TBC1D12: variants seen among roughly 807,000 people sequenced by gnomAD.
TBC1D12 encodes the protein TBC1 domain family, member 12.
Under a neutral mutation model 86.7 loss-of-function variants are expected in TBC1D12, and 56 were observed. That is an observed-to-expected ratio of 0.65 (90% CI 0.52 to 0.81). The LOEUF is 0.81. Ranked by LOEUF, TBC1D12 falls within the 30% of genes least tolerant of loss-of-function variation. The pLI is 0.00. For missense variants in TBC1D12, 1,023 were observed against 1,038.8 expected (o/e 0.98, Z 0.21); for synonymous variants, 421 against 411.7 (o/e 1.02, Z -0.27).
chr10:94,425,416 A>T (rs955278686), intron 1 of TBC1D12, among the ~76,000 whole-genome samples: 5 of 152,246 alleles, frequency 3.3e-5, no homozygotes, highest in African/African-American at 1.2e-4. Flanking sequence ...GTCAGTTTAA[A>T]AAAGAAAATA....
In TBC1D12 at chr10:94,402,784, G is replaced by A; in HGVS notation, c.171G>A (p.Glu57=). 1 of 1,546,366 alleles carries A rather than the reference G, an allele frequency of 6.5e-7. No individual in the cohort carries two copies. Among genetic ancestry groups the A allele is most frequent in the South Asian group, 1.2e-5 (1 of 83,950 alleles). The change falls in exon 1 of 13, where the codon GAG becomes GAA. Residue 57 remains glutamate (E), a synonymous_variant. Transcript: ENST00000225235. ...EPPEEADEEE[E]ADEEEETPPR... ...CGGAGGAGGCTGACGAGGAGGAGGA[G>A]GCTGACGAGGAGGAGGAGACGCCGC...
At chr10:94,468,162 G>C (rs1231613688) in intron 2 of TBC1D12, among the ~76,000 whole-genome samples, 1 of 152,068 alleles carries the variant, frequency 6.6e-6, no homozygotes, top group Non-Finnish European at 1.5e-5. Context: ...TCTAACTTTT[G>C]TGCTGTAAAC....
At chr10:94,516,868 G>A (rs1842006298) in intron 9 of TBC1D12, among the ~76,000 whole-genome samples, 1 of 151,850 alleles carries the variant, frequency 6.6e-6, no homozygotes, top group Admixed American at 6.6e-5. Flanking sequence ...ATTGAGACTA[G>A]TCAAAATATC....
At chr10:94,459,817 C>T (rs1423265624) in intron 2 of TBC1D12, among the ~76,000 whole-genome samples, 1 of 152,228 alleles carries the variant, frequency 6.6e-6, no homozygotes, top group Non-Finnish European at 1.5e-5. Flanking sequence ...AGCCCGCACC[C>T]ACCCGGAACT....
In TBC1D12 at chr10:94,438,367, A is replaced by T. The variant is rs1299494430; in HGVS notation, c.972-3529A>T. On this transcript the variant is annotated intron_variant, in intron 1 of 12. Transcript: ENST00000225235. The stretch of plus-strand genomic sequence containing the variant: ...CTGGTGACCTGACAAAGATTTTCTT[A>T]GATATCTGGCTCCAAAAAAGGAGAT... Among the ~76,000 whole-genome samples, 5 of 151,972 alleles carry T rather than the reference A, an allele frequency of 3.3e-5. 1 individual carries two copies. The highest frequency in any genetic ancestry group is 3.3e-4 in the Admixed American group (5 of 15,236).
chr10:94,415,463 G>T (rs1385691527), intron 1 of TBC1D12, among the ~76,000 whole-genome samples: 1 of 152,220 alleles, frequency 6.6e-6, no homozygotes, highest in Non-Finnish European at 1.5e-5. Flanking sequence ...GCCAGGCCCG[G>T]TGGCTCATGC....
intron 11 of TBC1D12, among the ~76,000 whole-genome samples, chr10:94,524,091 A>G (rs75194929): frequency 0.03 from 4,637 of 152,290 alleles, 112 homozygotes; most frequent in Middle Eastern, 0.14. Context: ...AATGATATTA[A>G]TGGTGTTCCT....
At chr10:94,524,869 C>T (rs183880067) in intron 11 of TBC1D12, among the ~76,000 whole-genome samples, 10 of 150,858 alleles carry the variant, frequency 6.6e-5, no homozygotes, top group East Asian at 1.9e-4. Context: ...TTCTGTTGCC[C>T]GGGTTGGAGT....
In TBC1D12 at chr10:94,437,499, T is replaced by G. The variant is rs561585426; in HGVS notation, c.972-4397T>G. ...CCGCCACCATGCCTGGCTAATTTTT[T>G]GTATTTTTAGTAGAGATGGGGTTTC... On this transcript the variant is annotated intron_variant, in intron 1 of 12. Coordinates refer to ENST00000225235, the MANE Select transcript of TBC1D12 (RefSeq NM_015188.2). Among the ~76,000 whole-genome samples, 53 of 152,160 alleles carry G rather than the reference T, an allele frequency of 3.5e-4. 1 individual carries two copies. The highest frequency in any genetic ancestry group is 1.2e-3 in the African/African-American group (50 of 41,522).
At chr10:94,513,740 T>A (rs1165382815) in intron 9 of TBC1D12, among the ~76,000 whole-genome samples, 1 of 151,906 alleles carries the variant, frequency 6.6e-6, no homozygotes, top group African/African-American at 2.4e-5. Context: ...ATTTTCTGTA[T>A]TTTGTGTTAA....
At position 94,531,313 on chromosome 10, in the gene TBC1D12, C is replaced by T. The variant is rs370441291; in HGVS notation, c.2112C>T (p.Leu704=). 2 of 1,613,926 alleles carry T rather than the reference C, an allele frequency of 1.2e-6. No homozygotes were observed. The highest frequency in any genetic ancestry group is 2.7e-5 in the African/African-American group (2 of 74,880). ...TATTTAGGACTGGATTAGGAATCCT[C>T]CGATTATATGAAGATATTCTCCTGC... ...EFLFRTGLGI[L]RLYEDILLQM... is the part of the protein sequence containing the mutation. The change falls in exon 12 of 13, where the codon CTC becomes CTT. Residue 704 remains leucine (L), a synonymous_variant. Transcript: ENST00000225235.
chr10:94,529,109 T>A (rs1323894891), intron 11 of TBC1D12, among the ~76,000 whole-genome samples: 1 of 151,956 alleles, frequency 6.6e-6, no homozygotes, highest in East Asian at 1.9e-4. Flanking sequence ...ATCCCAGGCT[T>A]AAGCAGTCTG....
At position 94,402,838 on chromosome 10, in the gene TBC1D12, G is replaced by A; in HGVS notation, c.225G>A (p.Ala75=). Residue 75 remains alanine, a synonymous_variant, in exon 1 of 13, where the codon GCG becomes GCA. Transcript: ENST00000225235. ...PPRQLLQRYL[A]AAGEQLEPGL... The stretch of plus-strand genomic sequence containing the variant: ...GGCAGCTCCTTCAGCGTTACCTCGC[G>A]GCGGCCGGGGAGCAGCTGGAGCCGG... The A allele has an allele frequency of 7.2e-6, 11 of 1,537,702 alleles. No homozygotes were observed. The highest frequency in any genetic ancestry group is 9.6e-6 in the Non-Finnish European group (11 of 1,142,336).
At chr10:94,500,774 G>C (rs1412213682) in intron 6 of TBC1D12, among the ~76,000 whole-genome samples, 2 of 151,972 alleles carry the variant, frequency 1.3e-5, no homozygotes, top group East Asian at 3.9e-4. Context: ...GAAAAGTTTA[G>C]GCCGGGCGCA....
chr10:94,422,048 C>T (rs2055080610), intron 1 of TBC1D12, among the ~76,000 whole-genome samples: 1 of 151,974 alleles, frequency 6.6e-6, no homozygotes, highest in Non-Finnish European at 1.5e-5. Context: ...ATATACAGTT[C>T]TAAGTTTGTG....
At position 94,500,270 on chromosome 10, in the gene TBC1D12, A is replaced by G. The variant is rs1237704207; in HGVS notation, c.1462A>G (p.Ser488Gly). 12 of 1,613,946 alleles carry G rather than the reference A, an allele frequency of 7.4e-6. No homozygotes were observed. The highest frequency in any genetic ancestry group is 1.7e-5 in the Admixed American group (1 of 59,986). ...RELWWQGLPP[S>G]VRGKVWSLAV... ...ATTGTGGTGGCAGGGATTGCCCCCT[A>G]GTGTCCGTGGGAAAGTTTGGAGTCT... The change falls in exon 6 of 13, where the codon AGT (serine) becomes GGT (glycine). Residue 488 changes from serine (S) to glycine (G), a missense_variant. Ser to Gly is a moderately conservative substitution (Grantham distance 56). Transcript: ENST00000225235.
intron 5 of TBC1D12, among the ~76,000 whole-genome samples, chr10:94,497,497 CCT>C (rs968329077): frequency 6.6e-6 from 1 of 150,948 alleles, no homozygotes; most frequent in African/African-American, 2.4e-5. Context: ...TACTGACCAT[CCT>C]CTGTGTCTGC....
intron 9 of TBC1D12, among the ~76,000 whole-genome samples, chr10:94,518,596 A>G (rs931889715): frequency 7.9e-5 from 12 of 152,246 alleles, no homozygotes; most frequent in African/African-American, 2.7e-4. Flanking sequence ...TTTGTCAGCA[A>G]TACTACATAA....
intron 1 of TBC1D12, among the ~76,000 whole-genome samples, chr10:94,419,161 C>A (rs549249529): frequency 6.6e-6 from 1 of 152,316 alleles, no homozygotes; most frequent in South Asian, 2.1e-4. Context: ...GCGTGAGTCA[C>A]CGCGCCTGGC....
Sources: gnomAD v4.1 joint callset for allele counts (sites outside exome capture counted in the v4.1 genomes callset) on GRCh38, gnomAD v4.1.1 for gene constraint, MANE v1.5 for transcripts, NCBI Gene and HGNC (gene_info 2026-07-23, HGNC 2026-07-21) for gene names.